The following CNNM2 variants were observed in gnomAD, a reference collection of about 807,000 sequenced individuals.
The protein encoded by CNNM2 is cyclin and CBS domain divalent metal cation transport mediator 2.
In CNNM2, 12 loss-of-function variants were observed where a neutral mutation model predicts 66.9. The ratio of observed to expected loss-of-function variants is 0.18; its 90% CI spans 0.11 to 0.29. The LOEUF is 0.29. Among genes scored for constraint, CNNM2 ranks in the 10% least tolerant of loss-of-function variants. The pLI is 1.00. For synonymous variants in CNNM2, 557 were observed against 501.8 expected (o/e 1.11, Z -1.47); for missense variants, 705 against 1,167.7 (o/e 0.60, Z 5.77).
At chr10:103,035,593 A>G (rs549979648) in intron 1 of CNNM2, among the ~76,000 whole-genome samples, 77 of 152,330 alleles carry the variant, frequency 5.1e-4, no homozygotes, top group African/African-American at 1.8e-3. Flanking sequence ...CTCACAAGTC[A>G]TTTGGATGGG....
intron 1 of CNNM2, among the ~76,000 whole-genome samples, chr10:102,959,184 T>A (rs1847157783): frequency 6.6e-6 from 1 of 151,918 alleles, no homozygotes; most frequent in Non-Finnish European, 1.5e-5. Context: ...ATCACCCGCC[T>A]TAGTCTCCCA....
chr10:102,963,468 A>C (rs2063415430), intron 1 of CNNM2, among the ~76,000 whole-genome samples: 1 of 152,226 alleles, frequency 6.6e-6, no homozygotes, highest in Non-Finnish European at 1.5e-5. Flanking sequence ...TTGTCCAAAC[A>C]ATTTTTCTGT....
At position 102,920,037 on chromosome 10, in the gene CNNM2, C is replaced by T. The variant is rs900905069; in HGVS notation, c.1557C>T (p.Asn519=). The change falls in exon 1 of 8, where the codon AAC becomes AAT. Residue 519 remains asparagine, a synonymous_variant. Transcript: ENST00000369878. ...TPLKTITKFY[N]HPLHFVFNDT... ...TGAAAACCATCACCAAATTTTATAA[C>T]CACCCCTTGCACTTTGTTTTCAATG... 2 of 1,614,092 alleles carry T rather than the reference C, an allele frequency of 1.2e-6. No homozygotes were observed. Among genetic ancestry groups the T allele is most frequent in the Admixed American group, 1.7e-5 (1 of 60,008 alleles).
chr10:102,939,932 C>G (rs1019862194), intron 1 of CNNM2, among the ~76,000 whole-genome samples: 1 of 151,998 alleles, frequency 6.6e-6, no homozygotes, highest in African/African-American at 2.4e-5. Flanking sequence ...CGCGCCACTG[C>G]ACTCCAGCCT....
At chr10:103,022,030 G>A (rs891023656) in intron 1 of CNNM2, among the ~76,000 whole-genome samples, 14 of 152,158 alleles carry the variant, frequency 9.2e-5, no homozygotes, top group African/African-American at 3.4e-4. Context: ...GTTTAAGTGA[G>A]ACGTGGCATT....
chr10:102,972,369 G>T (rs1162032379), intron 1 of CNNM2, among the ~76,000 whole-genome samples: 1 of 152,176 alleles, frequency 6.6e-6, no homozygotes, highest in Admixed American at 6.5e-5. Context: ...AGGCACGGTG[G>T]CTCATACCTG....
At chr10:102,967,586 G>A (rs1309746543) in intron 1 of CNNM2, among the ~76,000 whole-genome samples, 1 of 152,198 alleles carries the variant, frequency 6.6e-6, no homozygotes, top group African/African-American at 2.4e-5. Flanking sequence ...CAGCCATGGT[G>A]TAGCATGTAT....
In CNNM2 at chr10:103,089,781, C is replaced by G; in HGVS notation, c.*12601C>G. On this transcript the variant is annotated 3_prime_UTR_variant, in exon 8 of 8. Coordinates refer to ENST00000369878, the MANE Select transcript of CNNM2 (RefSeq NM_017649.5). ...GGGAGGTTTAATCTCACTAATTGAC[C>G]GTGTCAGCTGGTGCCGCTTGTAGTC... 1 of 1,613,928 alleles carries G rather than the reference C, an allele frequency of 6.2e-7. No individual in the cohort carries two copies. The highest frequency in any genetic ancestry group is 8.5e-7 in the Non-Finnish European group (1 of 1,179,976).
At chr10:102,938,517 G>A (rs575977376) in intron 1 of CNNM2, among the ~76,000 whole-genome samples, 2 of 150,932 alleles carry the variant, frequency 1.3e-5, no homozygotes, top group South Asian at 4.2e-4. Flanking sequence ...CTACTCAGGA[G>A]GCTGAAGTAG....
At chr10:103,076,917 A>C in intron 7 of CNNM2, 54 bp from the exon 8 acceptor site, 1 of 1,510,192 alleles carries the variant, frequency 6.6e-7, no homozygotes, top group African/African-American at 1.4e-5. Context: ...AGATCAGAGA[A>C]CCTAAAAATA....
Position 103,089,715 on chromosome 10 carries a change from T to A in CNNM2, c.*12535T>A. 6.2e-7 allele frequency: 1 copy of A among 1,613,238 alleles called. No homozygotes were observed. The highest frequency in any genetic ancestry group is 2.2e-5 in the East Asian group (1 of 44,872). Reference sequence around the variant, plus strand: ...CTCCTCTTCATCATCATCTTCGTCATGGCAGTGTGTAATTTCCTGGGGGGC... The same window carrying A: ...CTCCTCTTCATCATCATCTTCGTCAAGGCAGTGTGTAATTTCCTGGGGGGC... On this transcript the variant is annotated 3_prime_UTR_variant, in exon 8 of 8. Coordinates refer to ENST00000369878, the MANE Select transcript of CNNM2 (RefSeq NM_017649.5).
At chr10:103,052,619 G>A (rs920356145) in intron 2 of CNNM2, among the ~76,000 whole-genome samples, 35 of 151,476 alleles carry the variant, frequency 2.3e-4, no homozygotes, top group African/African-American at 7.8e-4. Flanking sequence ...GTTCAAGGGA[G>A]TCTCCTGCCT....
intron 1 of CNNM2, among the ~76,000 whole-genome samples, chr10:102,923,773 C>A (rs759291220): frequency 6.6e-6 from 1 of 152,168 alleles, no homozygotes; most frequent in African/African-American, 2.4e-5. Context: ...CATCAAGATT[C>A]ATTTTGGAAA....
intron 1 of CNNM2, among the ~76,000 whole-genome samples, chr10:103,007,524 C>A (rs375274767): frequency 2.2e-4 from 34 of 152,144 alleles, no homozygotes; most frequent in Non-Finnish European, 4.9e-4. Flanking sequence ...GACCTCCCCC[C>A]AGGAATGCAT....
intron 1 of CNNM2, among the ~76,000 whole-genome samples, chr10:102,972,274 T>G (rs2063557365): frequency 6.6e-6 from 1 of 152,202 alleles, no homozygotes; most frequent in South Asian, 2.1e-4. Context: ...AACTAAGATA[T>G]TCTTTCTTCG....
intron 1 of CNNM2, among the ~76,000 whole-genome samples, chr10:103,033,534 A>T (rs2064870718): frequency 6.6e-6 from 1 of 151,964 alleles, no homozygotes; most frequent in African/African-American, 2.4e-5. Context: ...TGAAGAAAAA[A>T]CATGTACAAA....
At chr10:102,962,839 G>A (rs1052468394) in intron 1 of CNNM2, among the ~76,000 whole-genome samples, 1 of 151,972 alleles carries the variant, frequency 6.6e-6, no homozygotes, top group Non-Finnish European at 1.5e-5. Flanking sequence ...TCTTCCGTGA[G>A]CATTTATCCT....
intron 1 of CNNM2, among the ~76,000 whole-genome samples, chr10:102,935,177 A>G (rs1846193547): frequency 7.1e-6 from 1 of 140,928 alleles, no homozygotes; most frequent in South Asian, 2.2e-4. Flanking sequence ...AAAAAAAAAA[A>G]AAAAAGACTT....
At chr10:102,947,834 G>A (rs1017593849) in intron 1 of CNNM2, among the ~76,000 whole-genome samples, 1 of 152,024 alleles carries the variant, frequency 6.6e-6, no homozygotes, top group African/African-American at 2.4e-5. Context: ...GGCAAATCAC[G>A]AGGTCAGGAG....
Sources: gnomAD v4.1 joint callset for allele counts (sites outside exome capture counted in the v4.1 genomes callset) on GRCh38, gnomAD v4.1.1 for gene constraint, MANE v1.5 for transcripts, NCBI Gene and HGNC (gene_info 2026-07-23, HGNC 2026-07-21) for gene names.